SLC35F3: variants seen among roughly 807,000 people sequenced by gnomAD.
SLC35F3 encodes putative thiamine transporter SLC35F3.
Under a neutral mutation model 49.9 loss-of-function variants are expected in SLC35F3, and 25 were observed. The ratio of observed to expected loss-of-function variants is 0.50; its 90% CI spans 0.37 to 0.70. The LOEUF is 0.70. Ranked by LOEUF, SLC35F3 falls within the 30% of genes least tolerant of loss-of-function variation. The probability of loss-of-function intolerance (pLI) is 0.00; values close to 1 mark genes in which losing one functional copy is unlikely to be tolerated. For missense variants in SLC35F3, 525 were observed against 639.8 expected (o/e 0.82, Z 1.94); for synonymous variants, 275 against 265.4 (o/e 1.04, Z -0.35).
At chr1:233,920,496 A>G (rs6666911) in intron 2 of SLC35F3, among the ~76,000 whole-genome samples, 144,553 of 152,302 alleles carry the variant, frequency 0.95, 69,050 homozygotes, top group East Asian at 1. Flanking sequence ...ACTCATTTCT[A>G]CATACACATC....
intron 2 of SLC35F3, among the ~76,000 whole-genome samples, chr1:233,908,042 G>A (rs890652201): frequency 2.0e-5 from 3 of 152,120 alleles, no homozygotes; most frequent in Non-Finnish European, 2.9e-5. Flanking sequence ...AGGTTTTAAG[G>A]CAGAACTTTT....
intron 3 of SLC35F3, among the ~76,000 whole-genome samples, chr1:234,244,319 C>T (rs1667598389): frequency 6.6e-5 from 10 of 152,200 alleles, no homozygotes; most frequent in Non-Finnish European, 1.5e-5. Flanking sequence ...CCGTCTTGCT[C>T]ACCTGCATGT....
intron 2 of SLC35F3, among the ~76,000 whole-genome samples, chr1:234,219,633 C>G (rs1027791138): frequency 5.3e-5 from 8 of 152,170 alleles, no homozygotes; most frequent in Non-Finnish European, 2.9e-5. Flanking sequence ...AGGGTGAACT[C>G]AGTTCTGGCT....
intron 2 of SLC35F3, among the ~76,000 whole-genome samples, chr1:234,037,255 G>A (rs1451933143): frequency 6.6e-6 from 1 of 152,158 alleles, no homozygotes; most frequent in Non-Finnish European, 1.5e-5. Context: ...TAATAGGAAG[G>A]AAGCAAGAGA....
intron 2 of SLC35F3, among the ~76,000 whole-genome samples, chr1:234,084,119 G>A (rs888231166): frequency 6.6e-6 from 1 of 152,008 alleles, no homozygotes; most frequent in Non-Finnish European, 1.5e-5. Context: ...GATTACAGGT[G>A]TGAGCCACCG....
At chr1:234,156,809 A>G (rs1355933432) in intron 2 of SLC35F3, among the ~76,000 whole-genome samples, 3 of 152,224 alleles carry the variant, frequency 2.0e-5, no homozygotes, top group African/African-American at 7.2e-5. Context: ...GATACATGAT[A>G]CAACATGAAT....
intron 2 of SLC35F3, among the ~76,000 whole-genome samples, chr1:234,028,369 T>G (rs541601100): frequency 2.0e-5 from 3 of 152,272 alleles, no homozygotes; most frequent in African/African-American, 4.8e-5. Context: ...TTTGAGCCTG[T>G]GAGGTTAAAA....
intron 2 of SLC35F3, among the ~76,000 whole-genome samples, chr1:234,078,395 A>G (rs1664828260): frequency 6.6e-6 from 1 of 152,036 alleles, no homozygotes. Context: ...TGGGCATGTT[A>G]TTCCACCAAA....
At chr1:234,129,607 A>C (rs1001206008) in intron 2 of SLC35F3, among the ~76,000 whole-genome samples, 16 of 152,248 alleles carry the variant, frequency 1.1e-4, no homozygotes, top group African/African-American at 3.9e-4. Context: ...GAATGTGGAA[A>C]TACAAAAGAA....
chr1:234,284,699 G>A (rs114405771), intron 3 of SLC35F3, among the ~76,000 whole-genome samples: 55 of 152,318 alleles, frequency 3.6e-4, no homozygotes, highest in African/African-American at 1.2e-3. Context: ...GCGAGAGAAT[G>A]CCTGGCCCTT....
chr1:233,933,646 T>G (rs1571985651), intron 2 of SLC35F3, among the ~76,000 whole-genome samples: 1 of 151,646 alleles, frequency 6.6e-6, no homozygotes. Flanking sequence ...AGGCCGGGAG[T>G]TCAAGACTAG....
chr1:234,214,059 T>C lies in SLC35F3; in HGVS notation c.284-17358T>C. The stretch of plus-strand genomic sequence containing the variant: ...GTCTCCCCTCCGCAGGCGCTGGTCC[T>C]TTTAAAGGGCTTCTCAGAGAGGTGG... On this transcript the variant is annotated intron_variant, in intron 2 of 7. Coordinates refer to ENST00000366618, the MANE Select transcript of SLC35F3 (RefSeq NM_173508.4). The surrounding 1 kb of genome is among the most constrained non-coding windows in gnomAD (Gnocchi z 8.0). 1.9e-6 allele frequency: 1 copy of C among 526,926 alleles called. No individual in the cohort carries two copies. Among genetic ancestry groups the C allele is most frequent in the Non-Finnish European group, 2.4e-6 (1 of 408,168 alleles). 32.6% of individuals were successfully genotyped at this position (526,926 alleles called of 1,614,324 possible).
chr1:234,139,498 CTT>C (rs1665859509), intron 2 of SLC35F3, among the ~76,000 whole-genome samples: 1 of 152,150 alleles, frequency 6.6e-6, no homozygotes, highest in Non-Finnish European at 1.5e-5. Flanking sequence ...ATGGGACACA[CTT>C]ATAGTTTTTA....
At chr1:234,312,544 C>A (rs1028105989) in intron 4 of SLC35F3, among the ~76,000 whole-genome samples, 1 of 152,158 alleles carries the variant, frequency 6.6e-6, no homozygotes, top group Non-Finnish European at 1.5e-5. Flanking sequence ...AACCTGAGCC[C>A]AGCATGGGGG....
intron 2 of SLC35F3, among the ~76,000 whole-genome samples, chr1:234,082,138 A>C (rs2102873208): frequency 6.6e-6 from 1 of 152,046 alleles, no homozygotes; most frequent in African/African-American, 2.4e-5. Context: ...AATATACAAA[A>C]CAGATTCCAT....
At chr1:234,025,690 A>C (rs1395839433) in intron 2 of SLC35F3, among the ~76,000 whole-genome samples, 5 of 151,898 alleles carry the variant, frequency 3.3e-5, no homozygotes, top group Admixed American at 2.0e-4. Flanking sequence ...TTGTTGATTT[A>C]AGTTTCTGAT....
At chr1:234,321,701 A>T (rs1255477769) in intron 7 of SLC35F3, among the ~76,000 whole-genome samples, 1 of 152,212 alleles carries the variant, frequency 6.6e-6, no homozygotes, top group Non-Finnish European at 1.5e-5. Context: ...TTTAATGATG[A>T]GTCCAGAAAA....
At chr1:233,998,110 T>G (rs184379734) in intron 2 of SLC35F3, among the ~76,000 whole-genome samples, 240 of 152,256 alleles carry the variant, frequency 1.6e-3, no homozygotes, top group Non-Finnish European at 3.0e-3. Context: ...TGGATATGTG[T>G]GTATTCATAT....
intron 3 of SLC35F3, among the ~76,000 whole-genome samples, chr1:234,274,687 G>T (rs1668171039): frequency 6.6e-6 from 1 of 152,212 alleles, no homozygotes; most frequent in Admixed American, 6.5e-5. Context: ...CAAGGCGATT[G>T]TGATGGTGCA....
Sources: gnomAD v4.1 joint callset for allele counts (sites outside exome capture counted in the v4.1 genomes callset) on GRCh38, gnomAD v4.1.1 for gene constraint, Gnocchi (gnomAD v3.1) non-coding constraint, MANE v1.5 for transcripts, NCBI Gene and HGNC (gene_info 2026-07-23, HGNC 2026-07-21) for gene names.